ZFYVE21: variants seen among roughly 807,000 people sequenced by gnomAD.
The protein encoded by ZFYVE21 is zinc finger FYVE domain-containing protein 21.
ZFYVE21 carries 21 observed loss-of-function variants against 29.5 expected under a neutral mutation model. The observed-to-expected ratio is 0.71, with a 90% confidence interval of 0.50 to 1.02. The LOEUF (loss-of-function observed/expected upper bound fraction) is 1.02. ZFYVE21 is among the 50% of genes least tolerant of loss of function. ZFYVE21 has a pLI of 0.00. For missense variants in ZFYVE21, 326 were observed against 335.4 expected (o/e 0.97, Z 0.22); for synonymous variants, 151 against 133.8 (o/e 1.13, Z -0.89).
chr14:103,717,923 G>A (rs2083841258), intron 1 of ZFYVE21, among the ~76,000 whole-genome samples: 1 of 152,262 alleles, frequency 6.6e-6, no homozygotes. Context: ...GAACGGGGCA[G>A]TAAGGGCTGG....
chr14:103,726,687 G>A (rs79445108), intron 1 of ZFYVE21, 105 bp from the exon 2 acceptor site: 74,227 of 1,402,862 alleles, frequency 0.053, 2,450 homozygotes, highest in Non-Finnish European at 0.065. Flanking sequence ...GCTTGGGTGC[G>A]TGGGGAGGTG....
At chr14:103,718,166 C>T (rs1362914723) in intron 1 of ZFYVE21, among the ~76,000 whole-genome samples, 1 of 152,176 alleles carries the variant, frequency 6.6e-6, no homozygotes, top group African/African-American at 2.4e-5. Context: ...TTTGGTAGAA[C>T]TTGGCAGGTG....
chr14:103,727,921 A>G lies in ZFYVE21; in HGVS notation c.358+7A>G. 6.2e-7 allele frequency: 1 copy of G among 1,609,500 alleles called. No homozygotes were observed. Among genetic ancestry groups the G allele is most frequent in the Middle Eastern group, 1.7e-4 (1 of 6,006 alleles). Reference sequence around the variant, plus strand: ...CTCAAAGTGCTCCTGAGCGGTAAGGACGGGTGTCCTGCACAGTCCCGCGCG... The same window carrying G: ...CTCAAAGTGCTCCTGAGCGGTAAGGGCGGGTGTCCTGCACAGTCCCGCGCG... On this transcript the variant is annotated splice_region_variant and intron_variant, in intron 3 of 6. Coordinates refer to ENST00000311141, the MANE Select transcript of ZFYVE21 (RefSeq NM_024071.4).
At position 103,733,266 on chromosome 14, in the gene ZFYVE21, GAC is replaced by G; in HGVS notation, c.*249_*250del. On this transcript the variant is annotated 3_prime_UTR_variant, in exon 7 of 7. Coordinates refer to ENST00000311141, the MANE Select transcript of ZFYVE21 (RefSeq NM_024071.4). ...TCAATACTTAATTGGGGGTGGGAGAGACTGAGCTACACTACTGCTAAACTATT... is the reference window on the plus strand; with the variant it reads ...TCAATACTTAATTGGGGGTGGGAGAGTGAGCTACACTACTGCTAAACTATT... 1.9e-6 allele frequency: 1 copy of G among 519,186 alleles called. No individual in the cohort carries two copies. Among genetic ancestry groups the G allele is most frequent in the East Asian group, 3.3e-5 (1 of 30,252 alleles). The allele number at this position is 519,186 out of a possible 1,614,324, so 32.2% of individuals were successfully genotyped here.
intron 1 of ZFYVE21, among the ~76,000 whole-genome samples, chr14:103,722,687 CG>C (rs1228113271): frequency 6.6e-6 from 1 of 151,952 alleles, no homozygotes. Context: ...GGCGTGGTGG[CG>C]GGCACCTGTA....
rs1346027479 is a variant in ZFYVE21, at chr14:103,715,853, G to C, written c.12G>C (p.Glu4Asp). 7.0e-7 allele frequency: 1 copy of C among 1,421,486 alleles called. No individual in the cohort carries two copies. The highest frequency in any genetic ancestry group is 2.6e-4 in the Middle Eastern group (1 of 3,898). The allele number at this position is 1,421,486 out of a possible 1,614,324, so 88.1% of individuals were successfully genotyped here. A position where few individuals can be genotyped will look rare whatever the true frequency, so the allele number is the denominator to read the frequency against. Residue 4 changes from glutamate to aspartate, a missense_variant, in exon 1 of 7, where the codon GAG (glutamate) becomes GAC (aspartate). Transcript: ENST00000311141. MSS[E>D]VSARRDAKKL... ...GCTGAGGCGGCGTCATGTCCTCCGA[G>C]GTGTCCGCGCGCCGCGACGCCAAGA...
rs369237934 is a variant in ZFYVE21 at position 103,720,134 on chromosome 14, G to A, written c.138+4155G>A. Among the ~76,000 whole-genome samples the A allele has an allele frequency of 3.9e-5, 6 of 151,926 alleles. No homozygotes were observed. The South Asian group carries it at 1.0e-3, about 26-fold the overall frequency. On this transcript the variant is annotated intron_variant, in intron 1 of 6. Coordinates refer to ENST00000311141, the MANE Select transcript of ZFYVE21 (RefSeq NM_024071.4). ...TGTCCTCTCTCACACACCCCACCGC[G>A]GGGTCCCTGTGAGAGGAGCCAGTTT... is the stretch of plus-strand genomic sequence containing the variant.
intron 1 of ZFYVE21, among the ~76,000 whole-genome samples, chr14:103,722,351 C>CTTTTTTTT (rs34926725): frequency 6.5e-5 from 7 of 108,362 alleles, no homozygotes; most frequent in Non-Finnish European, 1.1e-4. Flanking sequence ...TGGTCTGTCT[C>CTTTTTTTT]TTTTTTTTTT....
chr14:103,728,902 C>G lies in ZFYVE21; in HGVS notation c.359-6C>G, dbSNP rs1464515062. On this transcript the variant is annotated splice_polypyrimidine_tract_variant and splice_region_variant and intron_variant, in intron 3 of 6. Coordinates refer to ENST00000311141, the MANE Select transcript of ZFYVE21 (RefSeq NM_024071.4). ...CTGTTCTCACGTTTGCTTTTGTGTT[C>G]CCAAGGAGCCACCTTCCTCGTCACG... The G allele has an allele frequency of 6.2e-7, 1 of 1,613,768 alleles. No individual in the cohort carries two copies. The highest frequency in any genetic ancestry group is 1.3e-5 in the African/African-American group (1 of 74,856).
rs200636562 is a variant in ZFYVE21 at position 103,732,631 on chromosome 14, C to T, written c.538C>T (p.Arg180Trp). The T allele has an allele frequency of 8.1e-5, 127 of 1,576,338 alleles. No individual in the cohort carries two copies. In the Admixed American group the frequency reaches 1.6e-3, roughly 20 times the overall value. The change falls in exon 6 of 7, where the codon CGG becomes TGG. Residue 180 changes from arginine to tryptophan, a missense_variant. By Grantham distance (101) the Arg-to-Trp change is moderately radical. Coordinates refer to ENST00000311141, the MANE Select transcript of ZFYVE21 (RefSeq NM_024071.4). Reference sequence around the variant, plus strand: ...TCTCTCTCCTCCAGGAGGCAACGCACGGGCCACAGGCATGTTCCTGCAGTA... The same window carrying T: ...TCTCTCTCCTCCAGGAGGCAACGCATGGGCCACAGGCATGTTCCTGCAGTA... ...EGFPPGGGNA[R>W]ATGMFLQYTV... is the part of the protein sequence containing the mutation.
In ZFYVE21 at chr14:103,716,939, AT is replaced by A. The variant is rs1402377822; in HGVS notation, c.138+961del. On this transcript the variant is annotated intron_variant, in intron 1 of 6. Transcript: ENST00000311141. The surrounding 1 kb of genome is among the most constrained non-coding windows in gnomAD (Gnocchi z 4.8). ...GGGGGAGAAAAAGAATTTTTGTAAT[AT>A]GACTTTCATACTTAACACGTGTTAC... Among the ~76,000 whole-genome samples, 10 of 152,218 alleles carry A rather than the reference AT, an allele frequency of 6.6e-5. No homozygotes were observed. The highest frequency in any genetic ancestry group is 1.5e-5 in the Non-Finnish European group (1 of 68,030).
rs749711832 is a variant in ZFYVE21 at position 103,726,856 on chromosome 14, G to T, written c.189+14G>T. The T allele has an allele frequency of 6.2e-6, 10 of 1,613,564 alleles. No homozygotes were observed. Among genetic ancestry groups the T allele is most frequent in the Non-Finnish European group, 8.5e-6 (10 of 1,179,990 alleles). On this transcript the variant is annotated intron_variant, in intron 2 of 6. Transcript: ENST00000311141. Reference sequence around the variant, plus strand: ...CTCACCAGAAAGGTGAGCTGAGGCCGCTGAGTGGGGGTGGTGGGAAGAGGG... The same window carrying T: ...CTCACCAGAAAGGTGAGCTGAGGCCTCTGAGTGGGGGTGGTGGGAAGAGGG...
intron 5 of ZFYVE21, chr14:103,729,671 C>T: frequency 8.0e-7 from 1 of 1,252,608 alleles, no homozygotes; most frequent in Non-Finnish European, 1.1e-6. Flanking sequence ...GAGCTCGCAT[C>T]CCGTTATCTG....
chr14:103,726,786 T>G lies in ZFYVE21; in HGVS notation c.139-6T>G. The stretch of plus-strand genomic sequence containing the variant: ...GCGTTTTAACGCTTTGTCGTGTCTT[T>G]CCTAGTGTCGGAGATGTATGCAGTG... On this transcript the variant is annotated splice_region_variant and splice_polypyrimidine_tract_variant and intron_variant, in intron 1 of 6. Coordinates refer to ENST00000311141, the MANE Select transcript of ZFYVE21 (RefSeq NM_024071.4). 1.2e-6 allele frequency: 2 copies of G among 1,613,982 alleles called. No homozygotes were observed. Among genetic ancestry groups the G allele is most frequent in the Non-Finnish European group, 1.7e-6 (2 of 1,179,904 alleles).
At position 103,716,374 on chromosome 14, in the gene ZFYVE21, C is replaced by T. The variant is rs559103824; in HGVS notation, c.138+395C>T. Among the ~76,000 whole-genome samples, 36 of 152,230 alleles carry T rather than the reference C, an allele frequency of 2.4e-4. No individual in the cohort carries two copies. The highest frequency in any genetic ancestry group is 4.9e-4 in the Non-Finnish European group (33 of 67,994). Reference sequence around the variant, plus strand: ...GGCTCGCTCCCGAGAAAGTGGAAGGCGGAGCGCCTTCCTCGCAGGCTCGGT... The same window carrying T: ...GGCTCGCTCCCGAGAAAGTGGAAGGTGGAGCGCCTTCCTCGCAGGCTCGGT... On this transcript the variant is annotated intron_variant, in intron 1 of 6. Transcript: ENST00000311141. This position sits in a 1 kb window ranked among gnomAD's most constrained non-coding sequence, Gnocchi z 4.8.
chr14:103,726,949 T>TTTTTTTTGTTG (rs2083931786), intron 2 of ZFYVE21, 107 bp downstream of exon 2: 2 of 662,544 alleles, frequency 3.0e-6, no homozygotes, highest in Admixed American at 3.8e-5. Flanking sequence ...TTATGGCTCG[T>TTTTTTTTGTTG]TTTTTTTTTT....
intron 1 of ZFYVE21, among the ~76,000 whole-genome samples, chr14:103,719,316 C>T (rs115085417): frequency 0.012 from 1,829 of 151,892 alleles, 36 homozygotes; most frequent in African/African-American, 0.041. Flanking sequence ...AAAAATTAGT[C>T]GGGCGTGGTG....
chr14:103,728,960 T>C lies in ZFYVE21; in HGVS notation c.411T>C (p.Thr137=). ...FGNSEKPETM[T]CRLSNNQRYL... is the part of the protein sequence containing the mutation. ...ACTCAGAGAAACCTGAAACTATGAC[T>C]TGTCGTCTTTCCAATAACCAGAGGT... The change falls in exon 4 of 7, where the codon ACT becomes ACC. Residue 137 remains threonine (T), a synonymous_variant. Coordinates refer to ENST00000311141, the MANE Select transcript of ZFYVE21 (RefSeq NM_024071.4). 1 of 1,614,034 alleles carries C rather than the reference T, an allele frequency of 6.2e-7. No homozygotes were observed. The highest frequency in any genetic ancestry group is 8.5e-7 in the Non-Finnish European group (1 of 1,180,020).
intron 1 of ZFYVE21, among the ~76,000 whole-genome samples, chr14:103,717,823 A>G (rs557261959): frequency 1.3e-5 from 2 of 152,338 alleles, no homozygotes; most frequent in South Asian, 4.1e-4. Context: ...AATAAGATGG[A>G]CTTTGTCTCT....
Sources: gnomAD v4.1 joint callset for allele counts (sites outside exome capture counted in the v4.1 genomes callset) on GRCh38, gnomAD v4.1.1 for gene constraint, Gnocchi (gnomAD v3.1) non-coding constraint, MANE v1.5 for transcripts, NCBI Gene and HGNC (gene_info 2026-07-23, HGNC 2026-07-21) for gene names.